Variants in PDS5A observed in about 807,000 individuals in gnomAD.
PDS5A encodes the protein sister chromatid cohesion protein PDS5 homolog A.
In PDS5A, 42 loss-of-function variants were observed where a neutral mutation model predicts 167.1. The ratio of observed to expected loss-of-function variants is 0.25; its 90% CI spans 0.20 to 0.33. PDS5A has a LOEUF of 0.33. Among genes scored for constraint, PDS5A ranks in the 10% least tolerant of loss-of-function variants. PDS5A has a pLI of 1.00. For missense variants in PDS5A, 1,033 were observed against 1,605.9 expected (o/e 0.64, Z 6.10); for synonymous variants, 553 against 554.6 (o/e 1.00, Z 0.04).
intron 2 of PDS5A, among the ~76,000 whole-genome samples, chr4:39,974,489 T>G (rs1730882179): frequency 6.6e-6 from 1 of 152,242 alleles, no homozygotes; most frequent in East Asian, 1.9e-4. Flanking sequence ...TTTAGAAGCA[T>G]CAATCAAGCA....
At position 39,898,783 on chromosome 4, in the gene PDS5A, T is replaced by C. The variant is rs1479888355; in HGVS notation, c.1624A>G (p.Ile542Val). 1.9e-6 allele frequency: 3 copies of C among 1,581,944 alleles called. No homozygotes were observed. Among genetic ancestry groups the C allele is most frequent in the East Asian group, 2.3e-5 (1 of 44,408 alleles). ...CSAMFGKLMT[I>V]AKNLPDPGKA... ...AGTAAATAAACATACTCACTTGCTATGGTCATCAGTTTTCCAAACATGGCA... is the reference window on the plus strand; with the variant it reads ...AGTAAATAAACATACTCACTTGCTACGGTCATCAGTTTTCCAAACATGGCA... Residue 542 changes from isoleucine (I) to valine (V), a missense_variant, in exon 15 of 33, where the codon ATA becomes GTA. By Grantham distance (29) the Ile-to-Val change is conservative. This residue lies in a region of PDS5A where 45 missense variants were observed against 40.2 expected (regional missense o/e 1.12). Transcript: ENST00000303538.
At chr4:39,971,162 T>C (rs1730497979) in intron 2 of PDS5A, among the ~76,000 whole-genome samples, 1 of 149,930 alleles carries the variant, frequency 6.7e-6, no homozygotes. Flanking sequence ...TGTTTTGTTT[T>C]GTTTGTTTGT....
chr4:39,883,461 G>A (rs892417464), intron 17 of PDS5A, among the ~76,000 whole-genome samples: 5 of 152,146 alleles, frequency 3.3e-5, no homozygotes, highest in Non-Finnish European at 7.3e-5. Context: ...GATTACAGGC[G>A]TGAGCCACCA....
intron 29 of PDS5A, among the ~76,000 whole-genome samples, chr4:39,845,488 T>C (rs1022421436): frequency 2.6e-5 from 4 of 152,216 alleles, no homozygotes; most frequent in Admixed American, 6.5e-5. Flanking sequence ...ACATAGAACA[T>C]GAATTGTCTA....
At chr4:39,884,925 T>C (rs964428862) in intron 17 of PDS5A, among the ~76,000 whole-genome samples, 7 of 152,022 alleles carry the variant, frequency 4.6e-5, no homozygotes, top group Non-Finnish European at 1.0e-4. Context: ...AGGGGGGAAA[T>C]TGATTATATT....
intron 18 of PDS5A, among the ~76,000 whole-genome samples, chr4:39,879,087 T>C (rs1418086541): frequency 1.3e-5 from 2 of 152,198 alleles, no homozygotes; most frequent in Non-Finnish European, 2.9e-5. Flanking sequence ...CCCATCATTC[T>C]TTTTCTATCT....
rs995483019 is a variant in PDS5A, at chr4:39,832,300, G to A, written c.4010+5556C>T. ...GTGATCTCTGCTCACTGCAAGCTCCGCCCCCTGGGTTCATGCCATTCTCCT... is the reference window on the plus strand; with the variant it reads ...GTGATCTCTGCTCACTGCAAGCTCCACCCCCTGGGTTCATGCCATTCTCCT... On this transcript the variant is annotated intron_variant, in intron 32 of 32. Transcript: ENST00000303538. Among the ~76,000 whole-genome samples, 19 of 151,196 alleles carry A rather than the reference G, an allele frequency of 1.3e-4. No homozygotes were observed. In the East Asian group the frequency reaches 3.6e-3, roughly 28 times the overall value.
chr4:39,879,396 C>T (rs957449791), intron 18 of PDS5A, among the ~76,000 whole-genome samples: 1 of 152,028 alleles, frequency 6.6e-6, no homozygotes, highest in East Asian at 1.9e-4. Flanking sequence ...ATGATATTCC[C>T]TCCTCTAGAT....
At chr4:39,913,784 AT>A in intron 8 of PDS5A, 58 bp from the exon 9 acceptor site, 2 of 884,752 alleles carry the variant, frequency 2.3e-6, no homozygotes, top group Admixed American at 3.5e-5. Flanking sequence ...TACAGAAAAT[AT>A]CTTGAAACAT....
In PDS5A at chr4:39,898,531, ATAAAAT is replaced by A; in HGVS notation, c.1631-9_1631-4del. 2 of 1,530,120 alleles carry A rather than the reference ATAAAAT, an allele frequency of 1.3e-6. No homozygotes were observed. The highest frequency in any genetic ancestry group is 1.8e-6 in the Non-Finnish European group (2 of 1,134,242). The allele number at this position is 1,530,120 out of a possible 1,614,324, so 94.8% of individuals were successfully genotyped here. Reference sequence around the variant, plus strand: ...TTTCCCGGGGTCAGGCAAATTCTCTATAAAATTAAAAGAGAATCAATATTAGAGAAG... The same window carrying A: ...TTTCCCGGGGTCAGGCAAATTCTCTATAAAAGAGAATCAATATTAGAGAAG... On this transcript the variant is annotated splice_region_variant and splice_polypyrimidine_tract_variant and intron_variant, in intron 15 of 32. Transcript: ENST00000303538.
chr4:39,863,270 T>C, intron 24 of PDS5A, 66 bp downstream of exon 24: 2 of 1,238,200 alleles, frequency 1.6e-6, no homozygotes, highest in South Asian at 1.5e-5. Context: ...TGGATTTGTA[T>C]CCATAGAAAA....
intron 8 of PDS5A, among the ~76,000 whole-genome samples, chr4:39,915,755 G>T (rs562820928): frequency 1.1e-4 from 16 of 152,178 alleles, no homozygotes; most frequent in Non-Finnish European, 2.1e-4. Flanking sequence ...TAGCCAATAT[G>T]ATTTACTTCT....
chr4:39,952,624 C>T (rs544086523), intron 2 of PDS5A, among the ~76,000 whole-genome samples: 16 of 151,856 alleles, frequency 1.1e-4, no homozygotes, highest in South Asian at 2.1e-4. Context: ...AAAGATAACG[C>T]GCTGAGAAGA....
At chr4:39,867,763 CACACACACA>C (rs1719655349) in intron 22 of PDS5A, among the ~76,000 whole-genome samples, 1 of 150,208 alleles carries the variant, frequency 6.7e-6, no homozygotes, top group Admixed American at 6.6e-5. Context: ...CACACACACA[CACACACACA>C]CACCCCACAA....
chr4:39,848,650 T>G, intron 28 of PDS5A: 1 of 499,624 alleles, frequency 2.0e-6, no homozygotes, highest in Non-Finnish European at 3.5e-6. Context: ...AGAATAAACA[T>G]AAGATCAACA....
At position 39,822,979 on chromosome 4, in the gene PDS5A, A is replaced by C. The variant is rs184686258; in HGVS notation, c.*2506T>G. On this transcript the variant is annotated 3_prime_UTR_variant, in exon 33 of 33. Transcript: ENST00000303538. ...GGTTCTGCTTCAAGTTTTTAAAAAA[A>C]ATTTAAAAATTCAGCCCATGTGCAG... 1.9e-4 allele frequency: 29 copies of C among 152,778 alleles called. No individual in the cohort carries two copies. The East Asian group carries it at 5.6e-3, about 29-fold the overall frequency. 9.5% of individuals were successfully genotyped at this position (152,778 alleles called of 1,614,324 possible). A position where few individuals can be genotyped will look rare whatever the true frequency, so the allele number is the denominator to read the frequency against.
chr4:39,904,657 A>G (rs1202159942), intron 11 of PDS5A, among the ~76,000 whole-genome samples: 1 of 152,154 alleles, frequency 6.6e-6, no homozygotes, highest in African/African-American at 2.4e-5. Flanking sequence ...ATCTGTTCCT[A>G]TTTAGAAATT....
intron 2 of PDS5A, among the ~76,000 whole-genome samples, chr4:39,929,904 C>T (rs567611275): frequency 1.4e-5 from 2 of 144,708 alleles, no homozygotes; most frequent in African/African-American, 4.9e-5. Flanking sequence ...TGTCACTATA[C>T]CTGGCTAATC....
At chr4:39,935,796 C>A (rs1726541106) in intron 2 of PDS5A, among the ~76,000 whole-genome samples, 1 of 152,172 alleles carries the variant, frequency 6.6e-6, no homozygotes, top group African/African-American at 2.4e-5. Flanking sequence ...TAAAATGGTA[C>A]AACCACTTCA....
Sources: allele counts gnomAD v4.1 joint callset (sites outside exome capture counted in the v4.1 genomes callset), GRCh38; gene constraint gnomAD v4.1.1; regional missense constraint gnomAD v4.1.1; transcripts MANE v1.5; gene names NCBI Gene and HGNC (gene_info 2026-07-23, HGNC 2026-07-21).